AMBN: variants seen among roughly 807,000 people sequenced by gnomAD.
AMBN encodes enamel matrix protein.
In AMBN, 54 loss-of-function variants were observed where a neutral mutation model predicts 48.0. That is an observed-to-expected ratio of 1.12 (90% CI 0.90 to 1.41). The LOEUF is 1.41. AMBN is among the 40% of genes most tolerant of loss of function. AMBN has a pLI of 0.00. For missense variants in AMBN, 571 were observed against 547.3 expected, an observed-to-expected ratio of 1.04 and a Z score of -0.43; for synonymous variants, 186 against 190.0, an observed-to-expected ratio of 0.98 and a Z score of 0.17.
At chr4:70,602,175 A>G (rs1420332660) in intron 6 of AMBN, among the ~76,000 whole-genome samples, 1 of 152,168 alleles carries the variant, frequency 6.6e-6, no homozygotes, top group Non-Finnish European at 1.5e-5. Context: ...TCATTCCCCC[A>G]TATCACCCTG....
chr4:70,598,959 A>G (rs1737451758), intron 4 of AMBN, among the ~76,000 whole-genome samples: 1 of 149,504 alleles, frequency 6.7e-6, no homozygotes, highest in South Asian at 2.2e-4. Context: ...ATTTTTTAGT[A>G]GAGACGGGGT....
At chr4:70,604,100 A>G (rs578044191) in intron 12 of AMBN, among the ~76,000 whole-genome samples, 179 bp downstream of exon 12, 2 of 152,270 alleles carry the variant, frequency 1.3e-5, no homozygotes, top group East Asian at 1.9e-4. Context: ...CATGTTTCCT[A>G]TGTAATCTTT....
At chr4:70,592,485 ATT>A in intron 1 of AMBN, 112 bp downstream of exon 1, 2 of 1,206,968 alleles carry the variant, frequency 1.7e-6, no homozygotes, top group Non-Finnish European at 2.4e-6. Context: ...TAGCTGAATT[ATT>A]GCTTGTTGTA....
Position 70,601,574 on chromosome 4 carries a change from G to A in AMBN, c.451G>A (p.Gly151Arg). 6.2e-7 allele frequency: 1 copy of A among 1,614,100 alleles called. No homozygotes were observed. Among genetic ancestry groups the A allele is most frequent in the Non-Finnish European group, 8.5e-7 (1 of 1,179,996 alleles). Residue 151 changes from glycine (G) to arginine (R), a missense_variant, in exon 6 of 13, where the codon GGA (glycine) becomes AGA (arginine). Coordinates refer to ENST00000322937, the MANE Select transcript of AMBN (RefSeq NM_016519.6). ...AGCACTTCAGCCTCCAATTCACCTG[G>A]GACATCTGCCCTTGCAGGAAGGAGA... ...KEALQPPIHL[G>R]HLPLQEGELP... is the part of the protein sequence containing the mutation.
chr4:70,603,831 G>T, intron 11 of AMBN, 46 bp from the exon 12 acceptor site: 1 of 1,603,352 alleles, frequency 6.2e-7, no homozygotes, highest in Non-Finnish European at 8.5e-7. Flanking sequence ...GAGTAGATAA[G>T]AAGGTAGCTG....
At chr4:70,597,148 A>G in intron 3 of AMBN, 99 bp downstream of exon 3, 1 of 1,096,252 alleles carries the variant, frequency 9.1e-7, no homozygotes, top group Non-Finnish European at 1.3e-6. Context: ...CCTAGCCAGA[A>G]GTTTGTGGCT....
intron 3 of AMBN, among the ~76,000 whole-genome samples, chr4:70,597,749 G>A (rs1737419488): frequency 6.6e-6 from 1 of 152,128 alleles, no homozygotes; most frequent in African/African-American, 2.4e-5. Context: ...TAATTTCGCT[G>A]AGGGTTTTTT....
rs369894758 is a variant in AMBN, at chr4:70,606,166, C to G, written c.799-19C>G. 7 of 1,611,700 alleles carry G rather than the reference C, an allele frequency of 4.3e-6. No individual in the cohort carries two copies. Among genetic ancestry groups the G allele is most frequent in the South Asian group, 1.1e-5 (1 of 90,966 alleles). On this transcript the variant is annotated intron_variant, in intron 12 of 12. Coordinates refer to ENST00000322937, the MANE Select transcript of AMBN (RefSeq NM_016519.6). ...TAGCATGTGATGATGGCATCTTTGA[C>G]GAATGTTTTTTTTTCCAGGGCGGGA...
At chr4:70,596,210 G>A (rs1204154082) in intron 2 of AMBN, among the ~76,000 whole-genome samples, 1 of 151,106 alleles carries the variant, frequency 6.6e-6, no homozygotes, top group East Asian at 1.9e-4. Flanking sequence ...AACCCAGCAG[G>A]CAGAGGTTGC....
chr4:70,592,944 A>G (rs1737305402), intron 1 of AMBN, among the ~76,000 whole-genome samples: 1 of 152,220 alleles, frequency 6.6e-6, no homozygotes, highest in Admixed American at 6.5e-5. Context: ...CCCAAAGGGT[A>G]AGCAAAGTAT....
intron 12 of AMBN, among the ~76,000 whole-genome samples, chr4:70,604,631 CTCAG>C (rs778527857): frequency 6.6e-6 from 1 of 151,868 alleles, no homozygotes; most frequent in Non-Finnish European, 1.5e-5. Context: ...AAAATTACAT[CTCAG>C]TATTTTTGTG....
rs1256309063 is a variant in AMBN, at chr4:70,603,292, A to T, written c.681A>T (p.Gly227=). The change falls in exon 10 of 13, where the codon GGA becomes GGT. Residue 227 remains glycine (G), a synonymous_variant. Transcript: ENST00000322937. ...IFQIARLISH[G]PMPQNKQSPL... The stretch of plus-strand genomic sequence containing the variant: ...AAATAGCCCGTTTGATTTCTCACGG[A>T]CCAATGCCACAAAATAAACAATCTC... The T allele has an allele frequency of 4.3e-6, 7 of 1,613,722 alleles. No homozygotes were observed. The highest frequency in any genetic ancestry group is 5.9e-6 in the Non-Finnish European group (7 of 1,179,828).
intron 2 of AMBN, among the ~76,000 whole-genome samples, chr4:70,596,795 C>G (rs556781042): frequency 5.1e-4 from 77 of 152,116 alleles, no homozygotes; most frequent in Non-Finnish European, 1.0e-3. Flanking sequence ...CAGGTGGGAG[C>G]AAAATTATCA....
intron 2 of AMBN, among the ~76,000 whole-genome samples, chr4:70,593,857 T>A (rs1453554046): frequency 8.9e-6 from 1 of 112,900 alleles, no homozygotes; most frequent in African/African-American, 4.3e-5. Context: ...GGAGTGAGAC[T>A]CCATTTAAAA....
Position 70,603,991 on chromosome 4 carries a change from A to G in AMBN, c.798+70A>G, listed in dbSNP as rs541199150. 3.3e-6 allele frequency: 5 copies of G among 1,498,114 alleles called. No homozygotes were observed. The South Asian group carries it at 5.7e-5, about 17-fold the overall frequency. The allele number at this position is 1,498,114 out of a possible 1,614,324, so 92.8% of individuals were successfully genotyped here. On this transcript the variant is annotated intron_variant, in intron 12 of 12. Coordinates refer to ENST00000322937, the MANE Select transcript of AMBN (RefSeq NM_016519.6). ...GAACAGTCACTTATGACTGGCTGCAAGAGACGTCTGCCATGAATGTAGCCA... is the reference window on the plus strand; with the variant it reads ...GAACAGTCACTTATGACTGGCTGCAGGAGACGTCTGCCATGAATGTAGCCA...
chr4:70,592,440 T>C, intron 1 of AMBN, 67 bp downstream of exon 1: 1 of 1,546,258 alleles, frequency 6.5e-7, no homozygotes, highest in Middle Eastern at 1.7e-4. Flanking sequence ...TCCTGACAGC[T>C]TTTATAAAGA....
At chr4:70,600,440 A>C (rs1259962638) in intron 5 of AMBN, among the ~76,000 whole-genome samples, 3 of 152,332 alleles carry the variant, frequency 2.0e-5, no homozygotes, top group Non-Finnish European at 4.4e-5. Flanking sequence ...TTGGTAGTAA[A>C]AGCGAAGACA....
rs1174125248 is a variant in AMBN, at chr4:70,606,262, G to A, written c.876G>A (p.Met292Ile). The change falls in exon 13 of 13, where the codon ATG (methionine) becomes ATA (isoleucine). Residue 292 changes from methionine (M) to isoleucine (I), a missense_variant. Physicochemically the swap from Met to Ile is conservative, Grantham distance 10. Coordinates refer to ENST00000322937, the MANE Select transcript of AMBN (RefSeq NM_016519.6). ...FGGMRPGFEG[M>I]PHNPAMGGDF... is the part of the protein sequence containing the mutation. ...GCATGAGGCCCGGCTTTGAGGGAAT[G>A]CCCCACAACCCAGCTATGGGCGGTG... 3.1e-6 allele frequency: 5 copies of A among 1,613,968 alleles called. No individual in the cohort carries two copies. The highest frequency in any genetic ancestry group is 4.2e-6 in the Non-Finnish European group (5 of 1,179,994).
intron 2 of AMBN, among the ~76,000 whole-genome samples, chr4:70,596,757 T>C (rs180895165): frequency 1.3e-3 from 193 of 152,364 alleles, no homozygotes; most frequent in African/African-American, 4.3e-3. Flanking sequence ...CAATGAAGCA[T>C]TAAGATGCAG....
Sources: gnomAD v4.1 joint callset for allele counts (sites outside exome capture counted in the v4.1 genomes callset) on GRCh38, gnomAD v4.1.1 for gene constraint, MANE v1.5 for transcripts, NCBI Gene and HGNC (gene_info 2026-07-23, HGNC 2026-07-21) for gene names.